AGPS: variants seen among roughly 807,000 people sequenced by gnomAD.
AGPS encodes alkylglycerone phosphate synthase, also known as alkyldihydroxyacetonephosphate synthase, peroxisomal.
AGPS carries 26 observed loss-of-function variants against 90.7 expected under a neutral mutation model. That is an observed-to-expected ratio of 0.29 (90% CI 0.21 to 0.40). The LOEUF (loss-of-function observed/expected upper bound fraction) is 0.40, where lower values mean the gene tolerates loss of function less well. Ranked by LOEUF, AGPS falls within the 10% of genes least tolerant of loss-of-function variation. The probability of loss-of-function intolerance (pLI) is 1.00; values close to 1 mark genes in which losing one functional copy is unlikely to be tolerated. For missense variants in AGPS, 540 were observed against 816.1 expected, an observed-to-expected ratio of 0.66 and a Z score of 4.12; for synonymous variants, 294 against 285.3, an observed-to-expected ratio of 1.03 and a Z score of -0.31.
chr2:177,488,393 T>A (rs760157622), intron 11 of AGPS, among the ~76,000 whole-genome samples: 7 of 151,988 alleles, frequency 4.6e-5, no homozygotes, highest in Non-Finnish European at 7.4e-5. Flanking sequence ...TGTTTTTGTA[T>A]TTTTAGTAGA....
At chr2:177,477,755 A>G (rs1687825851) in intron 10 of AGPS, among the ~76,000 whole-genome samples, 1 of 152,120 alleles carries the variant, frequency 6.6e-6, no homozygotes, top group Non-Finnish European at 1.5e-5. Context: ...CTGTAATCGT[A>G]TCCTTAGCCC....
intron 3 of AGPS, among the ~76,000 whole-genome samples, chr2:177,436,074 ATTAC>A (rs1323142277): frequency 1.4e-5 from 2 of 145,270 alleles, no homozygotes; most frequent in African/African-American, 5.1e-5. Flanking sequence ...AAATGGATTT[ATTAC>A]TTATTTTGAG....
intron 14 of AGPS, among the ~76,000 whole-genome samples, chr2:177,504,543 T>TAGTG (rs1344292564): frequency 6.6e-6 from 1 of 152,126 alleles, no homozygotes; most frequent in Non-Finnish European, 1.5e-5. Context: ...CATCTACCTA[T>TAGTG]AGTGGCAAGT....
chr2:177,485,566 C>G (rs1324583562), intron 11 of AGPS, among the ~76,000 whole-genome samples: 3 of 152,160 alleles, frequency 2.0e-5, no homozygotes, highest in African/African-American at 7.2e-5. Flanking sequence ...TCCTTTTACT[C>G]ATTTAAAAAA....
At position 177,462,000 on chromosome 2, in the gene AGPS, T is replaced by C; in HGVS notation, c.978T>C (p.Tyr326=). The C allele has an allele frequency of 6.2e-7, 1 of 1,610,518 alleles. No homozygotes were observed. The highest frequency in any genetic ancestry group is 8.5e-7 in the Non-Finnish European group (1 of 1,177,642). Residue 326 remains tyrosine (Y), a synonymous_variant, in exon 9 of 20, where the codon TAT becomes TAC. Transcript: ENST00000264167. ...TRASGMKKNI[Y]GNIEDLVVHI... Reference sequence around the variant, plus strand: ...CATCAGGCATGAAGAAGAATATCTATGGCAATATCGAGGACCTGGTAAATA... The same window carrying C: ...CATCAGGCATGAAGAAGAATATCTACGGCAATATCGAGGACCTGGTAAATA...
intron 1 of AGPS, among the ~76,000 whole-genome samples, chr2:177,406,687 G>A (rs1685475677): frequency 1.3e-5 from 2 of 152,192 alleles, no homozygotes; most frequent in Admixed American, 1.3e-4. Context: ...TTGACTTTTG[G>A]TAGAAGCAAT....
chr2:177,419,279 C>G (rs1032889389), intron 1 of AGPS, among the ~76,000 whole-genome samples: 1 of 151,868 alleles, frequency 6.6e-6, no homozygotes, highest in African/African-American at 2.4e-5. Flanking sequence ...AGAACACTTT[C>G]TAATGCGTGC....
chr2:177,399,971 A>G (rs1685288425), intron 1 of AGPS, among the ~76,000 whole-genome samples: 1 of 152,214 alleles, frequency 6.6e-6, no homozygotes, highest in African/African-American at 2.4e-5. Flanking sequence ...TTGGGTAGAT[A>G]TATACCACAA....
intron 19 of AGPS, among the ~76,000 whole-genome samples, chr2:177,536,724 T>C (rs2079187849): frequency 6.6e-6 from 1 of 152,060 alleles, no homozygotes; most frequent in Non-Finnish European, 1.5e-5. Context: ...GAACTTCATT[T>C]CCCCCCGTCT....
At chr2:177,533,178 C>G (rs1403432249) in intron 19 of AGPS, among the ~76,000 whole-genome samples, 2 of 152,146 alleles carry the variant, frequency 1.3e-5, no homozygotes, top group Non-Finnish European at 2.9e-5. Flanking sequence ...CTGGCCTTTT[C>G]TAACAAAACG....
intron 11 of AGPS, among the ~76,000 whole-genome samples, chr2:177,491,100 C>CT (rs1688241437): frequency 6.7e-6 from 1 of 150,306 alleles, no homozygotes; most frequent in African/African-American, 2.4e-5. Context: ...GGTGATCCAC[C>CT]GCCTCAGCCT....
rs573032165 is a variant in AGPS at position 177,434,546 on chromosome 2, T to G, written c.441+129T>G. The G allele has an allele frequency of 5.3e-4, 385 of 723,808 alleles. 2 individuals carry two copies. Among genetic ancestry groups the G allele is most frequent in the Non-Finnish European group, 8.3e-4 (351 of 425,330 alleles). The allele number at this position is 723,808 out of a possible 1,614,324, so 44.8% of individuals were successfully genotyped here. Reference sequence around the variant, plus strand: ...TCATGTTTTTTGTTATAAAGCCTATTAATTATATTGGCCTTGTTAGACTGT... The same window carrying G: ...TCATGTTTTTTGTTATAAAGCCTATGAATTATATTGGCCTTGTTAGACTGT... On this transcript the variant is annotated intron_variant, in intron 3 of 19. Coordinates refer to ENST00000264167, the MANE Select transcript of AGPS (RefSeq NM_003659.4).
At chr2:177,452,828 T>A (rs1410278773) in intron 8 of AGPS, among the ~76,000 whole-genome samples, 1 of 152,142 alleles carries the variant, frequency 6.6e-6, no homozygotes, top group Non-Finnish European at 1.5e-5. Context: ...TAGTTTTAAG[T>A]TTTTGTTTTG....
rs373789674 is a variant in AGPS at position 177,497,691 on chromosome 2, C to T, written c.1288C>T (p.His430Tyr). The change falls in exon 13 of 20, where the codon CAT (histidine) becomes TAT (tyrosine). Residue 430 changes from histidine (H) to tyrosine (Y), a missense_variant and splice_region_variant. By Grantham distance (83) the His-to-Tyr change is moderately conservative. Transcript: ENST00000264167. Reference sequence around the variant, plus strand: ...TATAAACTTTTTTCTCTTCTTAGGTCATGCTCTTAAACCTCAGGTTTCCTC... The same window carrying T: ...TATAAACTTTTTTCTCTTCTTAGGTTATGCTCTTAAACCTCAGGTTTCCTC... ...LMDNKQFQFGHALKPQVSSIF... is the reference protein window; with the variant it reads ...LMDNKQFQFGYALKPQVSSIF... 6.4e-7 allele frequency: 1 copy of T among 1,568,052 alleles called. No individual in the cohort carries two copies. Among genetic ancestry groups the T allele is most frequent in the African/African-American group, 1.4e-5 (1 of 73,582 alleles).
chr2:177,528,309 A>T (rs183879386), intron 19 of AGPS, among the ~76,000 whole-genome samples: 165 of 152,334 alleles, frequency 1.1e-3, no homozygotes, highest in Non-Finnish European at 1.9e-3. Context: ...CTGTTAAAAA[A>T]ATCAATGGTT....
chr2:177,416,857 T>G (rs1219146026), intron 1 of AGPS, among the ~76,000 whole-genome samples: 2 of 152,120 alleles, frequency 1.3e-5, no homozygotes, highest in Admixed American at 6.6e-5. Context: ...GATGTTAAAT[T>G]TGGTATAGTT....
chr2:177,523,799 C>A lies in AGPS; in HGVS notation c.1849C>A (p.His617Asn). The A allele has an allele frequency of 6.2e-7, 1 of 1,613,130 alleles. No individual in the cohort carries two copies. The highest frequency in any genetic ancestry group is 8.5e-7 in the Non-Finnish European group (1 of 1,179,176). ...LANGGSLSHH[H>N]GVGKLRKQWL... ...TAATGGAGGGAGCCTGTCACATCAC[C>A]ATGGAGGTATTCTTTTTTGGGAGTA... is the stretch of plus-strand genomic sequence containing the variant. Residue 617 changes from histidine (H) to asparagine (N), a missense_variant, in exon 19 of 20, where the codon CAT becomes AAT. Coordinates refer to ENST00000264167, the MANE Select transcript of AGPS (RefSeq NM_003659.4).
chr2:177,469,764 A>G (rs945842693), intron 10 of AGPS, among the ~76,000 whole-genome samples: 4 of 152,214 alleles, frequency 2.6e-5, no homozygotes, highest in Non-Finnish European at 1.5e-5. Context: ...TTTTCATTAC[A>G]TTATTGATAT....
chr2:177,393,647 T>C (rs1685087656), intron 1 of AGPS: 1 of 865,140 alleles, frequency 1.2e-6, no homozygotes, highest in Non-Finnish European at 1.4e-6. Flanking sequence ...GGTGTGGTGG[T>C]ATAGCTACTG....
Sources: allele counts gnomAD v4.1 joint callset (sites outside exome capture counted in the v4.1 genomes callset), GRCh38; gene constraint gnomAD v4.1.1; transcripts MANE v1.5; gene names NCBI Gene and HGNC (gene_info 2026-07-23, HGNC 2026-07-21).